Variants in NKAIN3 observed in about 807,000 individuals in gnomAD.
NKAIN3 encodes the protein sodium/potassium-transporting ATPase subunit beta-1-interacting protein 3.
In NKAIN3, 25 loss-of-function variants were observed where a neutral mutation model predicts 30.2. The ratio of observed to expected loss-of-function variants is 0.83; its 90% CI spans 0.60 to 1.16. NKAIN3 has a LOEUF of 1.16. Ranked by LOEUF, NKAIN3 falls within the 50% of genes most tolerant of loss-of-function variation. The pLI, the probability that NKAIN3 is intolerant of heterozygous loss-of-function variation, is 0.00. For missense variants in NKAIN3, 225 were observed against 254.1 expected, an observed-to-expected ratio of 0.89 and a Z score of 0.78; for synonymous variants, 91 against 89.6, an observed-to-expected ratio of 1.02 and a Z score of -0.09.
chr8:62,574,833 T>C (rs1810059568), intron 1 of NKAIN3, among the ~76,000 whole-genome samples: 1 of 152,108 alleles, frequency 6.6e-6, no homozygotes, highest in South Asian at 2.1e-4. Flanking sequence ...CCGTTGGCCA[T>C]TTATATGTCT....
At chr8:62,539,789 C>T (rs1808782874) in intron 1 of NKAIN3, among the ~76,000 whole-genome samples, 1 of 152,124 alleles carries the variant, frequency 6.6e-6, no homozygotes, top group African/African-American at 2.4e-5. Context: ...CTGTGTTGCC[C>T]AGGCTGGTCT....
intron 1 of NKAIN3, among the ~76,000 whole-genome samples, chr8:62,363,424 A>G (rs1816625557): frequency 6.6e-6 from 1 of 152,070 alleles, no homozygotes; most frequent in Non-Finnish European, 1.5e-5. Flanking sequence ...GCTACCTAAC[A>G]ACGTCTGAGA....
chr8:62,568,735 CT>C (rs1241583214), intron 1 of NKAIN3, among the ~76,000 whole-genome samples: 4 of 152,146 alleles, frequency 2.6e-5, no homozygotes, highest in Admixed American at 1.3e-4. Flanking sequence ...TATTGTTTGC[CT>C]GGCAAAGTAG....
intron 4 of NKAIN3, chr8:62,855,961 C>T (rs1820048422): frequency 1.4e-6 from 1 of 714,374 alleles, no homozygotes; most frequent in African/African-American, 1.7e-5. Context: ...ATGTGCAGAG[C>T]ACTAAACAGG....
chr8:62,719,759 T>C (rs1470241499), intron 3 of NKAIN3, among the ~76,000 whole-genome samples: 9 of 143,738 alleles, frequency 6.3e-5, no homozygotes, highest in African/African-American at 1.8e-4. Flanking sequence ...CTTTCTTTTT[T>C]TTTTTTTTTT....
chr8:62,648,919 G>C (rs894219538), intron 3 of NKAIN3, among the ~76,000 whole-genome samples: 1 of 152,128 alleles, frequency 6.6e-6, no homozygotes, highest in African/African-American at 2.4e-5. Context: ...GTTGGGAGAT[G>C]GAGCAATGGC....
At chr8:62,492,212 C>T (rs190518327) in intron 1 of NKAIN3, among the ~76,000 whole-genome samples, 7 of 152,196 alleles carry the variant, frequency 4.6e-5, no homozygotes, top group Non-Finnish European at 7.4e-5. Flanking sequence ...TAGTGATCCA[C>T]GATTGTGTTC....
chr8:62,922,696 C>T (rs1257291916), intron 5 of NKAIN3, among the ~76,000 whole-genome samples: 1 of 151,684 alleles, frequency 6.6e-6, no homozygotes, highest in Non-Finnish European at 1.5e-5. Flanking sequence ...GGAGCCACCA[C>T]ATTTGCCTAA....
At chr8:62,415,933 A>G (rs1277870726) in intron 1 of NKAIN3, among the ~76,000 whole-genome samples, 8 of 151,460 alleles carry the variant, frequency 5.3e-5, no homozygotes, top group Non-Finnish European at 1.0e-4. Flanking sequence ...AATTTTTTGT[A>G]TTTTTAGTAG....
chr8:62,276,103 T>C (rs954430322), intron 1 of NKAIN3, among the ~76,000 whole-genome samples: 16 of 152,176 alleles, frequency 1.1e-4, no homozygotes, highest in African/African-American at 3.6e-4. Flanking sequence ...TCTCCCTCTG[T>C]CACCCAGGCT....
At chr8:62,423,375 A>T (rs1049050931) in intron 1 of NKAIN3, among the ~76,000 whole-genome samples, 1 of 151,048 alleles carries the variant, frequency 6.6e-6, no homozygotes, top group Non-Finnish European at 1.5e-5. Flanking sequence ...CTCCAGCAGC[A>T]TGTGCCCTAT....
chr8:62,466,413 C>T (rs1296175631), intron 1 of NKAIN3, among the ~76,000 whole-genome samples: 1 of 152,034 alleles, frequency 6.6e-6, no homozygotes, highest in Non-Finnish European at 1.5e-5. Flanking sequence ...TATGTAGATA[C>T]TTAGTACTCA....
intron 1 of NKAIN3, among the ~76,000 whole-genome samples, chr8:62,447,538 C>T (rs1805522862): frequency 6.6e-6 from 1 of 151,974 alleles, no homozygotes; most frequent in South Asian, 2.1e-4. Flanking sequence ...ATCTCAGATT[C>T]TCCATGAGAA....
At chr8:62,891,907 G>A (rs1821307646) in intron 4 of NKAIN3, among the ~76,000 whole-genome samples, 3 of 152,000 alleles carry the variant, frequency 2.0e-5, no homozygotes. Context: ...GCTGAATGAT[G>A]AGACTAAAGT....
At chr8:62,774,950 A>G (rs765190707) in intron 4 of NKAIN3, among the ~76,000 whole-genome samples, 23 of 152,080 alleles carry the variant, frequency 1.5e-4, no homozygotes, top group Admixed American at 4.6e-4. Flanking sequence ...CTCCTCCTGT[A>G]TTGTTCAGAA....
intron 1 of NKAIN3, among the ~76,000 whole-genome samples, chr8:62,496,888 A>G (rs2129652168): frequency 6.6e-6 from 1 of 152,170 alleles, no homozygotes; most frequent in African/African-American, 2.4e-5. Flanking sequence ...GTGGCCTCCA[A>G]TTTTCCTGCC....
At chr8:62,789,985 CA>C (rs1817650465) in intron 4 of NKAIN3, among the ~76,000 whole-genome samples, 1 of 152,030 alleles carries the variant, frequency 6.6e-6, no homozygotes, top group Admixed American at 6.6e-5. Flanking sequence ...ATCCTGATAC[CA>C]AAGCCTGGCA....
At chr8:62,749,561 G>T (rs141473658) in intron 4 of NKAIN3, among the ~76,000 whole-genome samples, 1 of 151,348 alleles carries the variant, frequency 6.6e-6, no homozygotes, top group Non-Finnish European at 1.5e-5. Flanking sequence ...TCAAGAAATT[G>T]TTTCACAACT....
At chr8:62,676,714 CTT>C (rs5891868) in intron 3 of NKAIN3, among the ~76,000 whole-genome samples, 2,822 of 138,408 alleles carry the variant, frequency 0.02, 82 homozygotes, top group African/African-American at 0.07. Flanking sequence ...TAATAACAGT[CTT>C]TTTTTTTTTT....
Sources: allele counts gnomAD v4.1 joint callset (sites outside exome capture counted in the v4.1 genomes callset), GRCh38; gene constraint gnomAD v4.1.1; transcripts MANE v1.5; gene names NCBI Gene and HGNC (gene_info 2026-07-23, HGNC 2026-07-21).